The following TCF7L1 variants were observed in gnomAD, a reference collection of about 807,000 sequenced individuals.
The protein encoded by TCF7L1 is transcription factor 7-like 1.
A neutral mutation model predicts 63.7 loss-of-function variants in TCF7L1; 18 were observed. The ratio of observed to expected loss-of-function variants is 0.28; its 90% CI spans 0.20 to 0.42. TCF7L1 has a LOEUF of 0.42. Among genes scored for constraint, TCF7L1 ranks in the 10% least tolerant of loss-of-function variants. The pLI is 1.00. For synonymous variants in TCF7L1, 355 were observed against 340.9 expected (o/e 1.04, Z -0.46); for missense variants, 654 against 779.3 (o/e 0.84, Z 1.91).
intron 3 of TCF7L1, among the ~76,000 whole-genome samples, chr2:85,211,368 A>T (rs1679536672): frequency 6.6e-6 from 1 of 152,208 alleles, no homozygotes; most frequent in Non-Finnish European, 1.5e-5. Context: ...TCTGATCTTT[A>T]GATCTTCACT....
intron 3 of TCF7L1, among the ~76,000 whole-genome samples, chr2:85,144,717 CTCTG>C (rs1174509352): frequency 9.2e-4 from 91 of 98,642 alleles, no homozygotes; most frequent in Admixed American, 1.8e-3. Flanking sequence ...CTCTCTCTCT[CTCTG>C]TGTGTGTGTG....
At chr2:85,140,495 G>C (rs1413324560) in intron 3 of TCF7L1, among the ~76,000 whole-genome samples, 2 of 152,034 alleles carry the variant, frequency 1.3e-5, no homozygotes, top group African/African-American at 4.8e-5. Flanking sequence ...CATGGTGGAA[G>C]CTGGAGGGAA....
chr2:85,193,081 T>C (rs1679072917), intron 3 of TCF7L1, among the ~76,000 whole-genome samples: 1 of 152,228 alleles, frequency 6.6e-6, no homozygotes, highest in South Asian at 2.1e-4. Context: ...AGCCAAAGGT[T>C]GCTTTGTTAG....
At position 85,178,756 on chromosome 2, in the gene TCF7L1, C is replaced by T. The variant is rs191524841; in HGVS notation, c.441+44306C>T. Among the ~76,000 whole-genome samples the T allele has an allele frequency of 3.5e-3, 532 of 152,298 alleles. 3 individuals are homozygous for T. Among genetic ancestry groups the T allele is most frequent in the Non-Finnish European group, 5.3e-3 (361 of 68,024 alleles). ...AGCCCTGGCTCAGCCATGGTTGCCA[C>T]CCATCCTGTCTGAGCTTTGAGAACC... On this transcript the variant is annotated intron_variant, in intron 3 of 11. Coordinates refer to ENST00000282111, the MANE Select transcript of TCF7L1 (RefSeq NM_031283.3).
At chr2:85,303,592 G>T in intron 5 of TCF7L1, 1 of 294,136 alleles carries the variant, frequency 3.4e-6, no homozygotes, top group Non-Finnish European at 6.3e-6. Context: ...CATTGGTCTT[G>T]TGGGTCCTGT....
intron 3 of TCF7L1, among the ~76,000 whole-genome samples, chr2:85,281,767 C>T (rs1342588281): frequency 3.4e-4 from 52 of 152,174 alleles, no homozygotes; most frequent in Non-Finnish European, 1.0e-4. Flanking sequence ...CTAGTCTGGC[C>T]TGTGGCACGT....
intron 3 of TCF7L1, among the ~76,000 whole-genome samples, chr2:85,236,816 C>T (rs959034311): frequency 1.3e-5 from 2 of 152,024 alleles, no homozygotes; most frequent in African/African-American, 4.8e-5. Context: ...TAGGAATTGC[C>T]GAGTAATAGG....
intron 3 of TCF7L1, among the ~76,000 whole-genome samples, chr2:85,171,702 T>C (rs1045499914): frequency 4.6e-5 from 7 of 152,236 alleles, no homozygotes; most frequent in South Asian, 2.1e-4. Flanking sequence ...GTGAGGCTGG[T>C]TGGGGCTTGG....
At chr2:85,287,294 T>G (rs1681585935) in intron 4 of TCF7L1, among the ~76,000 whole-genome samples, 1 of 152,264 alleles carries the variant, frequency 6.6e-6, no homozygotes, top group South Asian at 2.1e-4. Flanking sequence ...ATCAGTTGTT[T>G]GTCTTTTTGA....
rs142967741 is a variant in TCF7L1, at chr2:85,219,196, C to G, written c.442-64299C>G. Among the ~76,000 whole-genome samples the G allele has an allele frequency of 7.8e-3, 1,187 of 152,180 alleles. 17 individuals are homozygous for G. The highest frequency in any genetic ancestry group is 0.027 in the African/African-American group (1,110 of 41,508). ...CCCAGAAAATGCTGTTGTATGCTTT[C>G]CATTGAAAGAAAGAAGCAGGATCAG... On this transcript the variant is annotated intron_variant, in intron 3 of 11. Coordinates refer to ENST00000282111, the MANE Select transcript of TCF7L1 (RefSeq NM_031283.3).
At position 85,300,486 on chromosome 2, in the gene TCF7L1, C is replaced by T. The variant is rs567854942; in HGVS notation, c.526-1998C>T. Among the ~76,000 whole-genome samples, 5 of 152,312 alleles carry T rather than the reference C, an allele frequency of 3.3e-5. No homozygotes were observed. The East Asian group carries it at 9.6e-4, about 29-fold the overall frequency. On this transcript the variant is annotated intron_variant, in intron 4 of 11. Coordinates refer to ENST00000282111, the MANE Select transcript of TCF7L1 (RefSeq NM_031283.3). ...ATGATGCAACATCCAGTGAGCCCACCAGCCACCAGCAGGGCCCAGCTGTGT... is the reference window on the plus strand; with the variant it reads ...ATGATGCAACATCCAGTGAGCCCACTAGCCACCAGCAGGGCCCAGCTGTGT...
At chr2:85,243,629 G>A (rs947524494) in intron 3 of TCF7L1, among the ~76,000 whole-genome samples, 13 of 152,174 alleles carry the variant, frequency 8.5e-5, no homozygotes, top group Non-Finnish European at 1.5e-4. Context: ...AGAAGGCTGG[G>A]GATGGGCTGA....
chr2:85,195,616 G>A (rs1052219029), intron 3 of TCF7L1, among the ~76,000 whole-genome samples: 40 of 152,006 alleles, frequency 2.6e-4, no homozygotes, highest in African/African-American at 9.4e-4. Context: ...ATGGGATCAT[G>A]GCTCACTGCA....
At position 85,133,897 on chromosome 2, in the gene TCF7L1, C is replaced by CCG; in HGVS notation, c.213_214insCG (p.Glu72ArgfsTer35). On this transcript the variant is annotated frameshift_variant, in exon 1 of 12. Coordinates refer to ENST00000282111, the MANE Select transcript of TCF7L1 (RefSeq NM_031283.3). LOFTEE classifies it high-confidence loss of function. This position sits in a 1 kb window ranked among gnomAD's most constrained non-coding sequence, Gnocchi z 4.4. ...ACGAGGTCAAGTCGTCCCTGGTCAA[C>CCG]GAGTCGGAGAACCAGAGCAGCAGCT... The CCG allele has an allele frequency of 6.6e-7, 1 of 1,521,782 alleles. No homozygotes were observed. 94.3% of individuals were successfully genotyped at this position (1,521,782 alleles called of 1,614,324 possible). A position where few individuals can be genotyped will look rare whatever the true frequency, so the allele number is the denominator to read the frequency against.
At chr2:85,288,086 G>GCTACCT (rs1282004012) in intron 4 of TCF7L1, among the ~76,000 whole-genome samples, 2 of 152,054 alleles carry the variant, frequency 1.3e-5, no homozygotes, top group Non-Finnish European at 2.9e-5. Flanking sequence ...CACCACTACC[G>GCTACCT]CTACCTCTAC....
At chr2:85,307,742 TCTC>T (rs763982496) in intron 11 of TCF7L1, 25 bp downstream of exon 11, 155 of 1,607,404 alleles carry the variant, frequency 9.6e-5, no homozygotes, top group Admixed American at 1.3e-4. Context: ...ACTGGCCTCT[TCTC>T]CTGCTTTTCC....
intron 3 of TCF7L1, among the ~76,000 whole-genome samples, chr2:85,253,363 G>C (rs1680638437): frequency 6.6e-6 from 1 of 152,036 alleles, no homozygotes; most frequent in South Asian, 2.1e-4. Context: ...TGCTCACAGG[G>C]GCGGGGGCGG....
intron 3 of TCF7L1, among the ~76,000 whole-genome samples, chr2:85,224,961 G>T (rs1679924958): frequency 6.6e-6 from 1 of 152,204 alleles, no homozygotes; most frequent in Non-Finnish European, 1.5e-5. Flanking sequence ...TTTGTGTAAG[G>T]TGTTAGGAAG....
At chr2:85,293,381 T>C (rs1012664831) in intron 4 of TCF7L1, among the ~76,000 whole-genome samples, 3 of 152,168 alleles carry the variant, frequency 2.0e-5, no homozygotes, top group Non-Finnish European at 4.4e-5. Context: ...CCCCCCACTC[T>C]TTCTGTCTTG....
Sources: allele counts gnomAD v4.1 joint callset (sites outside exome capture counted in the v4.1 genomes callset), GRCh38; gene constraint gnomAD v4.1.1; non-coding constraint Gnocchi (gnomAD v3.1); transcripts MANE v1.5; gene names NCBI Gene and HGNC (gene_info 2026-07-23, HGNC 2026-07-21).